Variants in SCAPER observed in about 807,000 individuals in gnomAD.
The protein encoded by SCAPER is S phase cyclin A-associated protein in the endoplasmic reticulum.
A neutral mutation model predicts 182.2 loss-of-function variants in SCAPER; 98 were observed. That is an observed-to-expected ratio of 0.54 (90% confidence interval 0.46 to 0.64). SCAPER has a LOEUF of 0.64. Among genes scored for constraint, SCAPER ranks in the 30% least tolerant of loss-of-function variants. The pLI is 0.00. For missense variants in SCAPER, 1,432 were observed against 1,690.0 expected (o/e 0.85, Z 2.68); for synonymous variants, 605 against 564.6 (o/e 1.07, Z -1.01).
At chr15:76,357,189 C>CACACACACACACACACAA (rs1555410451) in intron 29 of SCAPER, among the ~76,000 whole-genome samples, 23 of 146,376 alleles carry the variant, frequency 1.6e-4, no homozygotes, top group Non-Finnish European at 3.5e-4. Context: ...CACACACACA[C>CACACACACACACACACAA]CCCTATGGCC....
chr15:76,537,477 C>G (rs1780464820), intron 23 of SCAPER, among the ~76,000 whole-genome samples: 2 of 152,120 alleles, frequency 1.3e-5, no homozygotes, highest in South Asian at 4.1e-4. Context: ...AAAGGATTCC[C>G]TATTTAATAA....
At chr15:76,352,829 TA>T (rs1433333270) in intron 30 of SCAPER, among the ~76,000 whole-genome samples, 2 of 152,224 alleles carry the variant, frequency 1.3e-5, no homozygotes, top group Non-Finnish European at 2.9e-5. Context: ...TGATGTTATA[TA>T]CTGTAAAATT....
intron 19 of SCAPER, among the ~76,000 whole-genome samples, 200 bp downstream of exon 19, chr15:76,702,650 T>G (rs2059022739): frequency 6.6e-6 from 1 of 152,110 alleles, no homozygotes; most frequent in Non-Finnish European, 1.5e-5. Context: ...GGTTTCACCA[T>G]GTTGGAAAGG....
At chr15:76,704,215 T>C (rs1232111894) in intron 18 of SCAPER, among the ~76,000 whole-genome samples, 2 of 152,204 alleles carry the variant, frequency 1.3e-5, no homozygotes, top group Admixed American at 6.5e-5. Context: ...AATTGCTTAG[T>C]AAAAACAGGA....
At chr15:76,877,110 C>T (rs927116569) in intron 2 of SCAPER, among the ~76,000 whole-genome samples, 3 of 151,630 alleles carry the variant, frequency 2.0e-5, no homozygotes, top group Non-Finnish European at 2.9e-5. Flanking sequence ...ACTCAGGAGA[C>T]TGAGGCAGGA....
At chr15:76,515,651 T>C (rs971059435) in intron 23 of SCAPER, among the ~76,000 whole-genome samples, 5 of 152,200 alleles carry the variant, frequency 3.3e-5, no homozygotes, top group East Asian at 3.8e-4. Flanking sequence ...ATCATAACAC[T>C]TTTGCTTCTT....
intron 14 of SCAPER, among the ~76,000 whole-genome samples, chr15:76,756,562 G>T (rs1037434856): frequency 6.6e-6 from 1 of 152,118 alleles, no homozygotes; most frequent in African/African-American, 2.4e-5. Flanking sequence ...GGGAGACAGA[G>T]CAAGTCCCTG....
chr15:76,897,655 C>T lies in SCAPER; in HGVS notation c.-60+7644G>A, dbSNP rs574179354. Among the ~76,000 whole-genome samples the T allele has an allele frequency of 2.1e-4, 32 of 151,840 alleles. No individual in the cohort carries two copies. In the South Asian group the frequency reaches 6.5e-3, roughly 31 times the overall value. On this transcript the variant is annotated intron_variant, in intron 1 of 31. Coordinates refer to ENST00000563290, the MANE Select transcript of SCAPER (RefSeq NM_020843.4). The stretch of plus-strand genomic sequence containing the variant: ...CCGGGAGGCAGAGGTTGCAGTGAGC[C>T]GAGATCACGCCACTGCACTCCAGCC...
intron 21 of SCAPER, among the ~76,000 whole-genome samples, chr15:76,661,276 T>G (rs2056134548): frequency 6.6e-6 from 1 of 152,064 alleles, no homozygotes; most frequent in Admixed American, 6.6e-5. Context: ...TGGGCAAAGA[T>G]TTTATGATGA....
At position 76,795,379 on chromosome 15, in the gene SCAPER, T is replaced by C; in HGVS notation, c.673A>G (p.Lys225Glu). ...GAGCCTGTATGATGAGCCTTTACCT[T>C]GTCAGCCCAACTGACACCTGTGGGA... ...LAPTGVSWAD[K>E]VKAHHTGSTA... Residue 225 changes from lysine to glutamate, a missense_variant, in exon 8 of 32, where the codon AAG (lysine) becomes GAG (glutamate). Physicochemically the swap from Lys to Glu is moderately conservative, Grantham distance 56. This residue lies in a region of SCAPER where 480 missense variants were observed against 510.2 expected (regional missense o/e 0.94). Coordinates refer to ENST00000563290, the MANE Select transcript of SCAPER (RefSeq NM_020843.4). 1 of 1,611,348 alleles carries C rather than the reference T, an allele frequency of 6.2e-7. No homozygotes were observed.
intron 5 of SCAPER, among the ~76,000 whole-genome samples, chr15:76,812,911 T>C (rs1335260993): frequency 3.2e-5 from 4 of 126,392 alleles, no homozygotes; most frequent in African/African-American, 1.1e-4. Context: ...AAAAAAAAAA[T>C]AGTAAAGGGA....
intron 30 of SCAPER, among the ~76,000 whole-genome samples, chr15:76,353,739 CA>C (rs2040766802): frequency 6.6e-6 from 1 of 152,092 alleles, no homozygotes; most frequent in African/African-American, 2.4e-5. Flanking sequence ...TGAAATCCTC[CA>C]AGTAGAAATT....
chr15:76,708,438 A>G (rs763810725), intron 17 of SCAPER, among the ~76,000 whole-genome samples: 3 of 151,994 alleles, frequency 2.0e-5, no homozygotes, highest in African/African-American at 7.2e-5. Context: ...TTAAATATTT[A>G]TATTAGAAAT....
rs146066147 is a variant in SCAPER at position 76,415,049 on chromosome 15, A to C, written c.3312-10370T>G. Among the ~76,000 whole-genome samples the C allele has an allele frequency of 1.4e-3, 210 of 152,286 alleles. 3 individuals carry two copies. The East Asian group carries it at 0.034, about 25-fold the overall frequency. On this transcript the variant is annotated intron_variant, in intron 26 of 31. Transcript: ENST00000563290. ...TACAATGACTGACAAACAATGCTCA[A>C]CCTCACTAGTGATAAAGTCAGTGTA...
chr15:76,565,504 A>T (rs1313245026), intron 23 of SCAPER, among the ~76,000 whole-genome samples: 1 of 152,136 alleles, frequency 6.6e-6, no homozygotes, highest in Non-Finnish European at 1.5e-5. Context: ...CAGAATGGCT[A>T]TGATTAAAAT....
At chr15:76,537,391 C>G (rs1294550040) in intron 23 of SCAPER, among the ~76,000 whole-genome samples, 1 of 152,152 alleles carries the variant, frequency 6.6e-6, no homozygotes, top group Admixed American at 6.5e-5. Flanking sequence ...TGGAACAGAA[C>G]AGAGCCCTCA....
intron 14 of SCAPER, among the ~76,000 whole-genome samples, chr15:76,763,305 T>G (rs966869190): frequency 2.2e-5 from 3 of 135,290 alleles, no homozygotes; most frequent in Non-Finnish European, 4.5e-5. Context: ...TCTCCTAGCC[T>G]GGAAGATTCA....
intron 20 of SCAPER, among the ~76,000 whole-genome samples, chr15:76,684,673 G>C (rs1435880513): frequency 1.3e-5 from 2 of 151,724 alleles, no homozygotes; most frequent in Non-Finnish European, 2.9e-5. Flanking sequence ...GTTTAAAACA[G>C]TATAAAAATA....
At chr15:76,757,816 T>C (rs974531679) in intron 14 of SCAPER, among the ~76,000 whole-genome samples, 1 of 152,182 alleles carries the variant, frequency 6.6e-6, no homozygotes, top group Non-Finnish European at 1.5e-5. Context: ...TGTCAGGTGA[T>C]ATTTCACTCA....
Sources: allele counts gnomAD v4.1 joint callset (sites outside exome capture counted in the v4.1 genomes callset), GRCh38; gene constraint gnomAD v4.1.1; regional missense constraint gnomAD v4.1.1; transcripts MANE v1.5; gene names NCBI Gene and HGNC (gene_info 2026-07-23, HGNC 2026-07-21).